ENOX2: variants seen among roughly 807,000 people sequenced by gnomAD.
ENOX2 encodes the protein ecto-NOX disulfide-thiol exchanger 2.
Under a neutral mutation model 45.0 loss-of-function variants are expected in ENOX2, and 36 were observed. That is an observed-to-expected ratio of 0.80 (90% CI 0.61 to 1.06). The LOEUF (loss-of-function observed/expected upper bound fraction) is 1.06, where lower values mean the gene tolerates loss of function less well. Among genes scored for constraint, ENOX2 ranks in the 50% least tolerant of loss-of-function variants. The pLI is 0.00. For synonymous variants in ENOX2, 174 were observed against 152.3 expected (o/e 1.14, Z -1.05); for missense variants, 423 against 462.5 (o/e 0.91, Z 0.78).
chrX:130,750,201 G>T (rs191625848), intron 3 of ENOX2, among the ~76,000 whole-genome samples: 220 of 111,696 alleles, frequency 2.0e-3, no homozygotes, highest in African/African-American at 6.9e-3. Flanking sequence ...TGGTTGGTCT[G>T]CCTGGTGCTC....
At chrX:130,679,484 C>G (rs1199814810) in intron 6 of ENOX2, 58 bp downstream of exon 6, 6 of 990,991 alleles carry the variant, frequency 6.1e-6, no homozygotes, top group Non-Finnish European at 8.6e-6. Context: ...ACAAATAGTT[C>G]TATCTTTAAT....
chrX:130,762,806 T>C (rs1176008913), intron 3 of ENOX2, among the ~76,000 whole-genome samples: 1 of 111,975 alleles, frequency 8.9e-6, no homozygotes, highest in Non-Finnish European at 1.9e-5. Context: ...ATTGTGTGTT[T>C]AAAAAGAATG....
chrX:130,627,117 T>C (rs943165815), intron 14 of ENOX2, among the ~76,000 whole-genome samples: 26 of 111,579 alleles, frequency 2.3e-4, no homozygotes, highest in African/African-American at 7.2e-4. Context: ...TGAGCAAATA[T>C]TCAGTCTGTG....
chrX:130,715,792 C>CATGT (rs2038315297), intron 3 of ENOX2, among the ~76,000 whole-genome samples: 1 of 111,904 alleles, frequency 8.9e-6, no homozygotes, highest in African/African-American at 3.3e-5. Context: ...CAAGTGATTT[C>CATGT]ATGTCTCTGT....
Position 130,656,671 on chromosome X carries a change from C to T in ENOX2, c.1039G>A (p.Glu347Lys). The T allele has an allele frequency of 8.7e-7, 1 of 1,153,690 alleles. No individual in the cohort carries two copies. The highest frequency in any genetic ancestry group is 1.8e-5 in the African/African-American group (1 of 56,289). Residue 347 changes from glutamate (E) to lysine (K), a missense_variant, in exon 10 of 15, where the codon GAA becomes AAA. Physicochemically the swap from Glu to Lys is moderately conservative, Grantham distance 56 (BLOSUM62 1). Around this residue, in one of 5 missense-constraint regions of ENOX2, gnomAD observed 261 missense variants for 306.8 expected, o/e 0.85. Transcript: ENST00000394363. ...AEEIRNIHNDELMGIRREEEM... is the reference protein window; with the variant it reads ...AEEIRNIHNDKLMGIRREEEM... ...TCTTCTCGCCTGATTCCCATTAATT[C>T]ATCATTATGAATGTTGCGAATTTCC... is the stretch of plus-strand genomic sequence containing the variant.
chrX:130,625,408 A>T lies in ENOX2; in HGVS notation c.1652T>A (p.Leu551His). Reference protein sequence around the residue: ...TSDVECLMGRLQHTFKQEMTG... With the variant: ...TSDVECLMGRHQHTFKQEMTG... ...CATTTCCTGCTTGAAGGTATGCTGG[A>T]GTCTACCCATGAGACACTCCACATC... The change falls in exon 15 of 15, where the codon CTC (leucine) becomes CAC (histidine). Residue 551 changes from leucine (L) to histidine (H), a missense_variant. Physicochemically the swap from Leu to His is moderately conservative, Grantham distance 99. Transcript: ENST00000394363. The T allele has an allele frequency of 1.7e-6, 2 of 1,209,927 alleles. No homozygotes were observed. The highest frequency in any genetic ancestry group is 2.2e-6 in the Non-Finnish European group (2 of 894,121).
intron 2 of ENOX2, among the ~76,000 whole-genome samples, chrX:130,899,001 A>G (rs1039801288): frequency 9.0e-6 from 1 of 110,976 alleles, no homozygotes; most frequent in Admixed American, 9.6e-5. Flanking sequence ...GACGGAGTGT[A>G]CTGGACTTGG....
chrX:130,836,524 T>C (rs2077930023), intron 2 of ENOX2, among the ~76,000 whole-genome samples: 2 of 111,338 alleles, frequency 1.8e-5, no homozygotes, highest in Non-Finnish European at 1.9e-5. Flanking sequence ...TTTTCAGCAG[T>C]CTGAGGAGCA....
At chrX:130,824,899 C>A (rs1407531752) in intron 2 of ENOX2, among the ~76,000 whole-genome samples, 1 of 110,659 alleles carries the variant, frequency 9.0e-6, no homozygotes, top group African/African-American at 3.3e-5. Context: ...GATGTGGAAC[C>A]CCCATGAACT....
chrX:130,794,784 T>C (rs2077093918), intron 2 of ENOX2, among the ~76,000 whole-genome samples: 1 of 112,435 alleles, frequency 8.9e-6, no homozygotes, highest in Non-Finnish European at 1.9e-5. Flanking sequence ...ATTTGTATCT[T>C]TGCTTTGCCC....
rs145913695 is a variant in ENOX2, at chrX:130,794,762, C to T, written c.-182-11072G>A. On this transcript the variant is annotated intron_variant, in intron 2 of 14. Transcript: ENST00000394363. The stretch of plus-strand genomic sequence containing the variant: ...CTGGTATCCTTTAAGACTGATGCAC[C>T]GCATGAATAACATTTGTATCTTTGC... Among the ~76,000 whole-genome samples the T allele has an allele frequency of 8.9e-3, 997 of 112,037 alleles. 16 individuals are homozygous for T. The highest frequency in any genetic ancestry group is 0.03 in the African/African-American group (939 of 30,856).
chrX:130,655,691 A>T (rs1383085902), intron 10 of ENOX2, among the ~76,000 whole-genome samples: 1 of 111,895 alleles, frequency 8.9e-6, no homozygotes, highest in East Asian at 2.8e-4. Context: ...CTGGAGTGCA[A>T]TGGTGCGACC....
intron 2 of ENOX2, among the ~76,000 whole-genome samples, chrX:130,820,017 A>C (rs990419537): frequency 8.9e-6 from 1 of 112,397 alleles, no homozygotes; most frequent in Non-Finnish European, 1.9e-5. Context: ...AGGAAACAAT[A>C]GACTGAAGGG....
chrX:130,745,066 C>T (rs1258445511), intron 3 of ENOX2, among the ~76,000 whole-genome samples: 1 of 111,686 alleles, frequency 9.0e-6, no homozygotes, highest in Non-Finnish European at 1.9e-5. Flanking sequence ...AAATTGTCTT[C>T]CACGAAACCG....
chrX:130,635,079 C>T lies in ENOX2; in HGVS notation c.1324G>A (p.Val442Ile). The T allele has an allele frequency of 8.8e-7, 1 of 1,137,256 alleles. No individual in the cohort carries two copies. The highest frequency in any genetic ancestry group is 1.2e-6 in the Non-Finnish European group (1 of 832,590). The allele number at this position is 1,137,256 out of a possible 1,213,427, so 93.7% of individuals were successfully genotyped here. ...TCTTTCTTTTTGTATTCCTCTTGGA[C>T]TTTGAGTAGATGCTACAAGAAAAGA... The part of the protein sequence containing the change: ...LQGMQQHLLK[V>I]QEEYKKKEAE... The change falls in exon 12 of 15, where the codon GTC (valine) becomes ATC (isoleucine). Residue 442 changes from valine (V) to isoleucine (I), a missense_variant. Around this residue, in one of 5 missense-constraint regions of ENOX2, gnomAD observed 108 missense variants for 70.6 expected, o/e 1.53. Transcript: ENST00000394363.
At chrX:130,680,095 C>T (rs1340912916) in intron 5 of ENOX2, among the ~76,000 whole-genome samples, 1 of 112,120 alleles carries the variant, frequency 8.9e-6, no homozygotes, top group Admixed American at 9.4e-5. Context: ...GAAAATCCCA[C>T]TCAGTTTAAA....
chrX:130,670,666 G>A (rs776472553), intron 6 of ENOX2, among the ~76,000 whole-genome samples: 1 of 108,819 alleles, frequency 9.2e-6, no homozygotes, highest in East Asian at 2.9e-4. Context: ...GCATTAACTT[G>A]GTATTTTAAT....
At chrX:130,781,574 C>T (rs1427489434) in intron 3 of ENOX2, among the ~76,000 whole-genome samples, 1 of 111,747 alleles carries the variant, frequency 8.9e-6, no homozygotes, top group Non-Finnish European at 1.9e-5. Context: ...GAGGTATTAC[C>T]CTAAACTCAC....
chrX:130,665,818 AGAAAT>A, intron 8 of ENOX2, 69 bp from the exon 9 acceptor site: 1 of 637,871 alleles, frequency 1.6e-6, no homozygotes, highest in Non-Finnish European at 2.5e-6. Context: ...AGAGGAGAAA[AGAAAT>A]GAAATAAAAG....
Sources: gnomAD v4.1 joint callset for allele counts (sites outside exome capture counted in the v4.1 genomes callset) on GRCh38, gnomAD v4.1.1 for gene constraint, gnomAD v4.1.1 regional missense constraint, MANE v1.5 for transcripts, NCBI Gene and HGNC (gene_info 2026-07-23, HGNC 2026-07-21) for gene names.